PCDHGA4: variants seen among roughly 807,000 people sequenced by gnomAD.
PCDHGA4 encodes the protein protocadherin gamma subfamily A, 4.
A neutral mutation model predicts 54.6 loss-of-function variants in PCDHGA4; 38 were observed. That is an observed-to-expected ratio of 0.70 (90% CI 0.54 to 0.91). The LOEUF (loss-of-function observed/expected upper bound fraction) is 0.91. PCDHGA4 is among the 40% of genes least tolerant of loss of function. The pLI is 0.00. For missense variants in PCDHGA4, 1,298 were observed against 1,220.9 expected, an observed-to-expected ratio of 1.06 and a Z score of -0.94; for synonymous variants, 511 against 512.9, an observed-to-expected ratio of 1.00 and a Z score of 0.05.
intron 1 of PCDHGA4, among the ~76,000 whole-genome samples, chr5:141,483,432 A>G (rs756227206): frequency 2.0e-5 from 3 of 152,200 alleles, no homozygotes; most frequent in African/African-American, 4.8e-5. Flanking sequence ...GAGGGAGCTG[A>G]CTACAATAAA....
intron 1 of PCDHGA4, chr5:141,370,123 T>C (rs776466728): frequency 5.1e-6 from 2 of 388,722 alleles, no homozygotes; most frequent in Non-Finnish European, 9.1e-6. Flanking sequence ...TAGCTCCTTA[T>C]TTGGAGCTGA....
intron 1 of PCDHGA4, chr5:141,422,560 G>T (rs2096656228): frequency 6.2e-7 from 1 of 1,614,032 alleles, no homozygotes; most frequent in East Asian, 2.2e-5. Context: ...GAATGTGGCA[G>T]ATGACAACGA....
chr5:141,424,087 A>C, intron 1 of PCDHGA4: 1 of 933,106 alleles, frequency 1.1e-6, no homozygotes, highest in Non-Finnish European at 1.3e-6. Flanking sequence ...TTCCACCATT[A>C]TTTGCTATTA....
rs1759739774 is a variant in PCDHGA4, at chr5:141,355,171, A to C, written c.64A>C (p.Lys22Gln). Residue 22 changes from lysine (K) to glutamine (Q), a missense_variant, in exon 1 of 4, where the codon AAG (lysine) becomes CAG (glutamine). Coordinates refer to ENST00000571252, the MANE Select transcript of PCDHGA4 (RefSeq NM_018917.4). ...APQASTEGKP[K>Q]HRRLRGGVVM... ...TCAGGCCTCGACAGAGGGAAAACCG[A>C]AGCACAGGCGACTCCGCGGCGGGGT... 6.4e-7 allele frequency: 1 copy of C among 1,572,168 alleles called. No individual in the cohort carries two copies. Among genetic ancestry groups the C allele is most frequent in the Non-Finnish European group, 8.6e-7 (1 of 1,159,778 alleles).
At chr5:141,372,259 G>T (rs1229622208) in intron 1 of PCDHGA4, 2 of 1,613,108 alleles carry the variant, frequency 1.2e-6, no homozygotes, top group East Asian at 2.2e-5. Flanking sequence ...CTGGGCCTGC[G>T]CACGGGTGAG....
chr5:141,484,949 A>C, intron 1 of PCDHGA4: 1 of 557,400 alleles, frequency 1.8e-6, no homozygotes, highest in Non-Finnish European at 3.2e-6. Context: ...TGCTCAGCCT[A>C]TTGGCTGAGC....
chr5:141,438,358 G>A (rs1160913890), intron 1 of PCDHGA4, among the ~76,000 whole-genome samples: 1 of 151,634 alleles, frequency 6.6e-6, no homozygotes. Context: ...TCTGTGTATT[G>A]TCATTGAGGG....
chr5:141,364,178 C>G (rs946798028), intron 1 of PCDHGA4: 1 of 887,846 alleles, frequency 1.1e-6, no homozygotes, highest in Admixed American at 3.6e-5. Flanking sequence ...ACTCTGCTCC[C>G]TCCATACTAA....
chr5:141,435,795 G>A (rs150143106), intron 1 of PCDHGA4, among the ~76,000 whole-genome samples: 16 of 152,032 alleles, frequency 1.1e-4, no homozygotes, highest in Admixed American at 2.0e-4. Flanking sequence ...GAAACATAAC[G>A]TCCCAATTAT....
At chr5:141,369,295 G>T (rs556803561) in intron 1 of PCDHGA4, among the ~76,000 whole-genome samples, 1 of 152,082 alleles carries the variant, frequency 6.6e-6, no homozygotes, top group African/African-American at 2.4e-5. Flanking sequence ...TCCTAATAAC[G>T]CATCATTGTT....
At chr5:141,404,403 A>G (rs767148207) in intron 1 of PCDHGA4, 2 of 1,613,896 alleles carry the variant, frequency 1.2e-6, no homozygotes, top group East Asian at 4.5e-5. Flanking sequence ...AGCAATGAGA[A>G]TTCTAGAGTT....
At chr5:141,367,962 C>T (rs766516338) in intron 1 of PCDHGA4, among the ~76,000 whole-genome samples, 3 of 152,076 alleles carry the variant, frequency 2.0e-5, no homozygotes, top group Admixed American at 1.3e-4. Context: ...TCATATCTAA[C>T]GTATGTGCTC....
chr5:141,366,572 G>T (rs1454034279), intron 1 of PCDHGA4: 1 of 1,614,148 alleles, frequency 6.2e-7, no homozygotes, highest in African/African-American at 1.3e-5. Flanking sequence ...TGGGGTTCGG[G>T]CTTTCCTGCA....
intron 1 of PCDHGA4, chr5:141,373,807 T>C (rs760297070): frequency 1.2e-5 from 4 of 341,172 alleles, no homozygotes; most frequent in Non-Finnish European, 1.1e-5. Flanking sequence ...CTCTGTGTGA[T>C]AGTTTCACAA....
chr5:141,375,766 G>C lies in PCDHGA4; in HGVS notation c.2514+18145G>C, dbSNP rs754916018. The C allele has an allele frequency of 4.3e-6, 7 of 1,614,270 alleles. No homozygotes were observed. In the South Asian group the frequency reaches 7.7e-5, roughly 18 times the overall value. On this transcript the variant is annotated intron_variant, in intron 1 of 3. Coordinates refer to ENST00000571252, the MANE Select transcript of PCDHGA4 (RefSeq NM_018917.4). ...TGGACCAGAATGACAATGCGCCCGA[G>C]ATCCTGTACCCCGCCCTCCCCACAG...
intron 1 of PCDHGA4, chr5:141,415,740 G>GTTTTTTGT (rs2095911797): frequency 1.9e-6 from 1 of 515,998 alleles, no homozygotes; most frequent in East Asian, 8.3e-5. Flanking sequence ...GTTTATTAAG[G>GTTTTTTGT]TTTTTTTTTT....
At chr5:141,376,175 G>A (rs551078264) in intron 1 of PCDHGA4, 5 of 1,614,148 alleles carry the variant, frequency 3.1e-6, no homozygotes, top group African/African-American at 1.3e-5. Flanking sequence ...GGTGGCGGTG[G>A]CCGCGGTCTC....
chr5:141,380,608 T>C (rs1014267122), intron 1 of PCDHGA4, among the ~76,000 whole-genome samples: 2 of 152,244 alleles, frequency 1.3e-5, no homozygotes. Flanking sequence ...TATTTAATTT[T>C]ATGATGTTCG....
chr5:141,412,343 A>T (rs928223487), intron 1 of PCDHGA4: 2 of 152,166 alleles, frequency 1.3e-5, no homozygotes, highest in African/African-American at 4.8e-5. Context: ...ATATATGTTC[A>T]TTTTAGTTTG....
Sources: allele counts gnomAD v4.1 joint callset (sites outside exome capture counted in the v4.1 genomes callset), GRCh38; gene constraint gnomAD v4.1.1; transcripts MANE v1.5; gene names NCBI Gene and HGNC (gene_info 2026-07-23, HGNC 2026-07-21).